Variants in GSG1L observed in about 807,000 individuals in gnomAD.
The protein encoded by GSG1L is GSG1 like, also known as germ cell-specific gene 1-like protein.
A neutral mutation model predicts 42.1 loss-of-function variants in GSG1L; 24 were observed. The observed-to-expected ratio is 0.57, with a 90% confidence interval of 0.41 to 0.80. The LOEUF (loss-of-function observed/expected upper bound fraction) is 0.80, where lower values mean the gene tolerates loss of function less well. Ranked by LOEUF, GSG1L falls within the 30% of genes least tolerant of loss-of-function variation. The pLI is 0.00. For missense variants in GSG1L, 445 were observed against 472.2 expected (o/e 0.94, Z 0.53); for synonymous variants, 215 against 203.5 (o/e 1.06, Z -0.48).
intron 5 of GSG1L, among the ~76,000 whole-genome samples, chr16:27,825,229 AGCTCCTAGTAGGT>A (rs1474797871): frequency 3.9e-5 from 6 of 152,106 alleles, no homozygotes; most frequent in African/African-American, 1.2e-4. Flanking sequence ...ACCCTGAATG[AGCTCCTAGTAGGT>A]GCCTGGCCCA....
chr16:27,912,293 C>T (rs1271718735), intron 2 of GSG1L, among the ~76,000 whole-genome samples: 2 of 152,134 alleles, frequency 1.3e-5, no homozygotes, highest in African/African-American at 4.8e-5. Flanking sequence ...GCAGGAGGAT[C>T]GCTTAAGCCC....
intron 1 of GSG1L, among the ~76,000 whole-genome samples, chr16:28,019,013 C>A (rs1405021257): frequency 6.6e-6 from 1 of 152,130 alleles, no homozygotes; most frequent in Non-Finnish European, 1.5e-5. Context: ...GCCCTTCATG[C>A]TAAAGGGAGA....
intron 1 of GSG1L, among the ~76,000 whole-genome samples, chr16:28,003,469 C>T (rs191478888): frequency 6.6e-6 from 1 of 152,318 alleles, no homozygotes; most frequent in African/African-American, 2.4e-5. Context: ...CCTACAGAAG[C>T]CAACCCACCT....
intron 2 of GSG1L, among the ~76,000 whole-genome samples, chr16:27,949,664 G>A (rs189286600): frequency 1.6e-4 from 25 of 152,196 alleles, no homozygotes; most frequent in African/African-American, 5.5e-4. Context: ...AGTGGCTCAC[G>A]CCTGTAATCC....
chr16:27,867,436 C>A (rs2083742752), intron 3 of GSG1L, among the ~76,000 whole-genome samples: 1 of 152,168 alleles, frequency 6.6e-6, no homozygotes, highest in South Asian at 2.1e-4. Context: ...AGAGGGTGGG[C>A]CTGGCTCCCA....
chr16:28,052,318 T>G (rs1038380883), intron 1 of GSG1L, among the ~76,000 whole-genome samples: 1 of 151,966 alleles, frequency 6.6e-6, no homozygotes, highest in Non-Finnish European at 1.5e-5. Flanking sequence ...TTTTAGAGAT[T>G]GGGTCTCGCT....
At chr16:27,864,135 C>A (rs2141002748) in intron 3 of GSG1L, among the ~76,000 whole-genome samples, 1 of 152,336 alleles carries the variant, frequency 6.6e-6, no homozygotes, top group East Asian at 1.9e-4. Flanking sequence ...GGTGTTCCAG[C>A]AGTTGCCACA....
chr16:27,898,188 A>C (rs1446327666), intron 2 of GSG1L, among the ~76,000 whole-genome samples: 1 of 152,184 alleles, frequency 6.6e-6, no homozygotes, highest in Non-Finnish European at 1.5e-5. Flanking sequence ...GGCCTTCAGA[A>C]TCAGATGACA....
chr16:28,023,229 ATCTT>A (rs1459551482), intron 1 of GSG1L, among the ~76,000 whole-genome samples: 1 of 152,168 alleles, frequency 6.6e-6, no homozygotes, highest in Admixed American at 6.5e-5. Flanking sequence ...TCTCTCTTCT[ATCTT>A]TCTAAGCACT....
chr16:27,849,423 G>A (rs2083482070), intron 3 of GSG1L, among the ~76,000 whole-genome samples: 1 of 152,204 alleles, frequency 6.6e-6, no homozygotes, highest in African/African-American at 2.4e-5. Context: ...TGGAGACAGT[G>A]ATTGTAAGGG....
At chr16:27,968,661 A>G (rs1567538969) in intron 1 of GSG1L, among the ~76,000 whole-genome samples, 1 of 152,152 alleles carries the variant, frequency 6.6e-6, no homozygotes, top group Non-Finnish European at 1.5e-5. Context: ...TCCTGAGCCT[A>G]AGAAAGATGC....
chr16:27,797,562 C>A (rs1381500268), intron 6 of GSG1L, among the ~76,000 whole-genome samples: 3 of 149,254 alleles, frequency 2.0e-5, no homozygotes, highest in Non-Finnish European at 4.4e-5. Flanking sequence ...GTGGCTCACG[C>A]CTGTAATCCC....
At chr16:28,023,210 TTCTA>T (rs1304833020) in intron 1 of GSG1L, among the ~76,000 whole-genome samples, 7 of 152,328 alleles carry the variant, frequency 4.6e-5, no homozygotes, top group East Asian at 3.9e-4. Context: ...ATACTTATCA[TTCTA>T]TCTTTCTCTC....
chr16:27,800,366 C>T (rs1478110003), intron 6 of GSG1L, among the ~76,000 whole-genome samples: 1 of 152,154 alleles, frequency 6.6e-6, no homozygotes. Context: ...CAGAAGCCAC[C>T]TCCGCGCCCA....
At chr16:27,827,041 T>A (rs1408074697) in intron 5 of GSG1L, among the ~76,000 whole-genome samples, 1 of 152,226 alleles carries the variant, frequency 6.6e-6, no homozygotes, top group African/African-American at 2.4e-5. Context: ...CTTCCATCAC[T>A]GTGCAACCTT....
chr16:27,865,568 TATATACAC>T (rs1395866057), intron 3 of GSG1L, among the ~76,000 whole-genome samples: 460 of 20,832 alleles, frequency 0.022, 25 homozygotes, highest in African/African-American at 0.052. Flanking sequence ...TATATATATA[TATATACAC>T]ACACACATAC....
chr16:27,837,207 G>A (rs1289076244), intron 4 of GSG1L, among the ~76,000 whole-genome samples: 2 of 152,144 alleles, frequency 1.3e-5, no homozygotes, highest in African/African-American at 2.4e-5. Context: ...GAGGAGTGCC[G>A]AGTAAAGGTG....
At chr16:28,046,929 TCATGCACACG>T (rs959677363) in intron 1 of GSG1L, among the ~76,000 whole-genome samples, 1 of 152,190 alleles carries the variant, frequency 6.6e-6, no homozygotes, top group African/African-American at 2.4e-5. Context: ...TCTTTGTGTA[TCATGCACACG>T]CATGCACACA....
chr16:28,029,918 C>T (rs562412995), intron 1 of GSG1L, among the ~76,000 whole-genome samples: 15 of 152,242 alleles, frequency 9.9e-5, no homozygotes, highest in African/African-American at 3.4e-4. Flanking sequence ...TGTTCACGCA[C>T]GCACATGTGG....
Sources: gnomAD v4.1 joint callset for allele counts (sites outside exome capture counted in the v4.1 genomes callset) on GRCh38, gnomAD v4.1.1 for gene constraint, MANE v1.5 for transcripts, NCBI Gene and HGNC (gene_info 2026-07-23, HGNC 2026-07-21) for gene names.